PDE5A: variants seen among roughly 807,000 people sequenced by gnomAD.
PDE5A encodes cGMP-specific 3',5'-cyclic phosphodiesterase.
In PDE5A, 67 loss-of-function variants were observed where a neutral mutation model predicts 110.2. The ratio of observed to expected loss-of-function variants is 0.61; its 90% CI spans 0.50 to 0.75. The LOEUF (loss-of-function observed/expected upper bound fraction) is 0.75. Ranked by LOEUF, PDE5A falls within the 30% of genes least tolerant of loss-of-function variation. The probability of loss-of-function intolerance (pLI) is 0.00; values close to 1 mark genes in which losing one functional copy is unlikely to be tolerated. For missense variants in PDE5A, 862 were observed against 1,045.1 expected (o/e 0.82, Z 2.42); for synonymous variants, 328 against 351.2 (o/e 0.93, Z 0.74).
chr4:119,609,962 G>A (rs546634705), intron 1 of PDE5A, among the ~76,000 whole-genome samples: 1 of 152,166 alleles, frequency 6.6e-6, no homozygotes, highest in Admixed American at 6.5e-5. Context: ...CAACCTCACT[G>A]GCCTTATGAA....
intron 13 of PDE5A, among the ~76,000 whole-genome samples, chr4:119,520,553 G>C (rs1313215136): frequency 6.6e-6 from 1 of 152,086 alleles, no homozygotes; most frequent in East Asian, 1.9e-4. Context: ...TCAGGAACTA[G>C]GTGGTTTTTG....
At chr4:119,607,369 ATCT>A (rs10536068) in intron 1 of PDE5A, 72 bp from the exon 2 acceptor site, 382,602 of 790,120 alleles carry the variant, frequency 0.48, 96,086 homozygotes, top group South Asian at 0.62. Flanking sequence ...GCTCCTAAAC[ATCT>A]TCTCATGGTA....
chr4:119,552,528 T>C (rs779818209), intron 9 of PDE5A, 22 bp downstream of exon 9: 2 of 969,882 alleles, frequency 2.1e-6, no homozygotes, highest in Admixed American at 3.5e-5. Context: ...GTTTAGAGTA[T>C]AGGTTAAAGG....
At chr4:119,626,511 T>C (rs1730351394) in intron 1 of PDE5A, among the ~76,000 whole-genome samples, 1 of 152,238 alleles carries the variant, frequency 6.6e-6, no homozygotes, top group African/African-American at 2.4e-5. Flanking sequence ...ACAGGTCCAA[T>C]ACATACTTTT....
At chr4:119,552,133 T>A (rs545384517) in intron 9 of PDE5A, 1 of 152,366 alleles carries the variant, frequency 6.6e-6, no homozygotes, top group South Asian at 2.1e-4. Context: ...GTTCATTGAT[T>A]TATCCCAACT....
rs1249629192 is a variant in PDE5A at position 119,495,721 on chromosome 4, C to T, written c.*2880G>A. On this transcript the variant is annotated 3_prime_UTR_variant, in exon 21 of 21. Transcript: ENST00000354960. ...AATTAAGAGACAGTGGTGACAACATCATCATCCTGGGTTTGTACCTTGAAG... is the reference window on the plus strand; with the variant it reads ...AATTAAGAGACAGTGGTGACAACATTATCATCCTGGGTTTGTACCTTGAAG... 2.0e-5 allele frequency: 3 copies of T among 152,360 alleles called. No homozygotes were observed. The highest frequency in any genetic ancestry group is 4.4e-5 in the Non-Finnish European group (3 of 68,036). 9.4% of individuals were successfully genotyped at this position (152,360 alleles called of 1,614,324 possible).
chr4:119,562,883 A>G lies in PDE5A; in HGVS notation c.1081T>C (p.Phe361Leu). The change falls in exon 6 of 21, where the codon TTC (phenylalanine) becomes CTC (leucine). Residue 361 changes from phenylalanine to leucine, a missense_variant. Phe to Leu is a conservative substitution (Grantham distance 22). Transcript: ENST00000354960. ...LKKIAATIIS[F>L]MQVQKCTIFI... ...ATGGTGCATTTCTGCACTTGCATGAAAGAGATAATAGTGGCAGCTATTTTC... is the reference window on the plus strand; with the variant it reads ...ATGGTGCATTTCTGCACTTGCATGAGAGAGATAATAGTGGCAGCTATTTTC... 1 of 1,597,548 alleles carries G rather than the reference A, an allele frequency of 6.3e-7. No individual in the cohort carries two copies. The highest frequency in any genetic ancestry group is 1.1e-5 in the South Asian group (1 of 87,872).
In PDE5A at chr4:119,595,627, C is replaced by T. The variant is rs149036501; in HGVS notation, c.831+896G>A. ...TTCTCCCTCCTCTGAGACAACAGAA[C>T]TTCAAATACTCAGATCCTTGGATTC... On this transcript the variant is annotated intron_variant, in intron 3 of 20. Transcript: ENST00000354960. 5.7e-3 allele frequency among the ~76,000 whole-genome samples: 867 copies of T among 152,262 alleles called. 8 individuals are homozygous for T. The highest frequency in any genetic ancestry group is 0.02 in the African/African-American group (825 of 41,556).
At chr4:119,555,939 G>T (rs992628247) in intron 7 of PDE5A, among the ~76,000 whole-genome samples, 2 of 152,086 alleles carry the variant, frequency 1.3e-5, no homozygotes, top group Non-Finnish European at 2.9e-5. Flanking sequence ...TAAATTTTTA[G>T]TTCCTGAACT....
intron 3 of PDE5A, among the ~76,000 whole-genome samples, chr4:119,581,878 TA>T (rs1275610875): frequency 6.6e-6 from 1 of 152,242 alleles, no homozygotes; most frequent in Non-Finnish European, 1.5e-5. Context: ...ATACCATAAT[TA>T]AAAAATACTT....
At chr4:119,604,635 G>T (rs2110546063) in intron 2 of PDE5A, among the ~76,000 whole-genome samples, 1 of 152,206 alleles carries the variant, frequency 6.6e-6, no homozygotes, top group Non-Finnish European at 1.5e-5. Flanking sequence ...TGCTTATATA[G>T]AATGGATTCT....
At chr4:119,589,702 ACT>A (rs1182193100) in intron 3 of PDE5A, among the ~76,000 whole-genome samples, 1 of 151,998 alleles carries the variant, frequency 6.6e-6, no homozygotes, top group African/African-American at 2.4e-5. Flanking sequence ...TGCTCCTGTA[ACT>A]CTTTTATCTC....
rs199592904 is a variant in PDE5A at position 119,502,675 on chromosome 4, C to T, written c.2332-20G>A. The T allele has an allele frequency of 1.6e-5, 23 of 1,481,852 alleles. No homozygotes were observed. The highest frequency in any genetic ancestry group is 1.8e-5 in the Non-Finnish European group (19 of 1,064,290). 91.8% of individuals were successfully genotyped at this position (1,481,852 alleles called of 1,614,324 possible). ...TGCTATCTGAAATAAATAACAGACTCAGTTTTGACAATGAAAAGCATATCA... is the reference window on the plus strand; with the variant it reads ...TGCTATCTGAAATAAATAACAGACTTAGTTTTGACAATGAAAAGCATATCA... On this transcript the variant is annotated intron_variant, in intron 18 of 20. Transcript: ENST00000354960.
chr4:119,578,376 C>A (rs1337304521), intron 3 of PDE5A, among the ~76,000 whole-genome samples: 2 of 152,138 alleles, frequency 1.3e-5, no homozygotes, highest in Non-Finnish European at 2.9e-5. Context: ...GCCTGCATTG[C>A]GAAGTCAATC....
At chr4:119,622,856 T>C (rs1477960388) in intron 1 of PDE5A, among the ~76,000 whole-genome samples, 3 of 91,368 alleles carry the variant, frequency 3.3e-5, no homozygotes, top group African/African-American at 4.3e-5. Context: ...AGAGCAATAC[T>C]CCGTCTCGAA....
intron 9 of PDE5A, chr4:119,550,275 T>G (rs1348116514): frequency 6.6e-6 from 1 of 152,226 alleles, no homozygotes; most frequent in Non-Finnish European, 1.5e-5. Flanking sequence ...AAAATCTACA[T>G]TTGCCTACTT....
chr4:119,586,865 T>C (rs1239993609), intron 3 of PDE5A, among the ~76,000 whole-genome samples: 2 of 152,188 alleles, frequency 1.3e-5, no homozygotes, highest in Admixed American at 6.5e-5. Flanking sequence ...TCATTAAAAA[T>C]AGGATACCAT....
Position 119,525,762 on chromosome 4 carries a change from C to A in PDE5A, c.1633-67G>T. On this transcript the variant is annotated intron_variant, in intron 11 of 20. Coordinates refer to ENST00000354960, the MANE Select transcript of PDE5A (RefSeq NM_001083.4). The surrounding 1 kb of genome is among the most constrained non-coding windows in gnomAD (Gnocchi z 4.3). ...AAGCAGCAGTGATTTGCAAGGTTTT[C>A]TTGTTTTGCTGCAGAGAAATAGCAT... is the stretch of plus-strand genomic sequence containing the variant. 3 of 1,482,706 alleles carry A rather than the reference C, an allele frequency of 2.0e-6. No individual in the cohort carries two copies. Among genetic ancestry groups the A allele is most frequent in the South Asian group, 2.5e-5 (2 of 79,686 alleles). 91.8% of individuals were successfully genotyped at this position (1,482,706 alleles called of 1,614,324 possible).
intron 3 of PDE5A, among the ~76,000 whole-genome samples, chr4:119,574,324 A>C (rs13133969): frequency 0.14 from 21,865 of 150,962 alleles, 1,751 homozygotes; most frequent in Middle Eastern, 0.2. Flanking sequence ...CTGGGATTAC[A>C]TGTGCCCGCC....
Sources: gnomAD v4.1 joint callset for allele counts (sites outside exome capture counted in the v4.1 genomes callset) on GRCh38, gnomAD v4.1.1 for gene constraint, Gnocchi (gnomAD v3.1) non-coding constraint, MANE v1.5 for transcripts, NCBI Gene and HGNC (gene_info 2026-07-23, HGNC 2026-07-21) for gene names.